SNTG1: variants seen among roughly 807,000 people sequenced by gnomAD.
The protein encoded by SNTG1 is syntrophin gamma 1.
A neutral mutation model predicts 74.7 loss-of-function variants in SNTG1; 39 were observed. That is an observed-to-expected ratio of 0.52 (90% CI 0.40 to 0.68). The LOEUF (loss-of-function observed/expected upper bound fraction) is 0.68, where lower values mean the gene tolerates loss of function less well. Ranked by LOEUF, SNTG1 falls within the 30% of genes least tolerant of loss-of-function variation. The pLI, the probability that SNTG1 is intolerant of heterozygous loss-of-function variation, is 0.00. For missense variants in SNTG1, 685 were observed against 609.5 expected, an observed-to-expected ratio of 1.12 and a Z score of -1.30; for synonymous variants, 254 against 217.1, an observed-to-expected ratio of 1.17 and a Z score of -1.49.
intron 1 of SNTG1, among the ~76,000 whole-genome samples, chr8:49,968,060 CT>C (rs1811312974): frequency 6.6e-6 from 1 of 151,536 alleles, no homozygotes; most frequent in South Asian, 2.1e-4. Flanking sequence ...TACTCTATAC[CT>C]GGTGAACAGT....
At chr8:50,020,439 A>C (rs1816720021) in intron 1 of SNTG1, among the ~76,000 whole-genome samples, 1 of 152,174 alleles carries the variant, frequency 6.6e-6, no homozygotes. Context: ...CAAGTTTATT[A>C]ATTACCTTTG....
intron 4 of SNTG1, among the ~76,000 whole-genome samples, chr8:50,412,518 G>A (rs181345989): frequency 5.3e-5 from 8 of 152,258 alleles, no homozygotes; most frequent in Non-Finnish European, 1.2e-4. Flanking sequence ...GCAAGTAAAA[G>A]AGAATATGGT....
intron 2 of SNTG1, among the ~76,000 whole-genome samples, chr8:50,218,683 A>C (rs1586734817): frequency 6.6e-6 from 1 of 152,300 alleles, no homozygotes; most frequent in East Asian, 1.9e-4. Flanking sequence ...ACTAATATAA[A>C]GTATTAGTAA....
At chr8:50,141,342 A>G (rs1413230386) in intron 1 of SNTG1, among the ~76,000 whole-genome samples, 6 of 152,132 alleles carry the variant, frequency 3.9e-5, no homozygotes, top group African/African-American at 1.4e-4. Flanking sequence ...GCCAACCCTT[A>G]GTCTGCATTT....
chr8:49,931,805 T>G (rs1807620934), intron 1 of SNTG1, among the ~76,000 whole-genome samples: 1 of 152,146 alleles, frequency 6.6e-6, no homozygotes, highest in South Asian at 2.1e-4. Context: ...GAACACATTA[T>G]GATTCCATTC....
At chr8:49,973,732 G>A (rs1197953929) in intron 1 of SNTG1, among the ~76,000 whole-genome samples, 1 of 152,120 alleles carries the variant, frequency 6.6e-6, no homozygotes, top group African/African-American at 2.4e-5. Flanking sequence ...ACTTAAAACT[G>A]TAGAATAAAA....
chr8:49,972,535 G>A (rs1462713350), intron 1 of SNTG1, among the ~76,000 whole-genome samples: 7 of 152,086 alleles, frequency 4.6e-5, no homozygotes, highest in Admixed American at 6.6e-5. Context: ...TTAAACTAAA[G>A]AGCTTCTGCA....
chr8:49,913,868 C>A (rs1301200774), intron 1 of SNTG1, among the ~76,000 whole-genome samples: 1 of 152,170 alleles, frequency 6.6e-6, no homozygotes, highest in Non-Finnish European at 1.5e-5. Flanking sequence ...GAATGTGTTT[C>A]AAGAAGCACT....
chr8:50,534,530 C>A (rs546937752), intron 10 of SNTG1, among the ~76,000 whole-genome samples: 2 of 152,194 alleles, frequency 1.3e-5, no homozygotes, highest in African/African-American at 4.8e-5. Flanking sequence ...CCTGCAATCC[C>A]AGCACTTTGG....
chr8:50,004,005 C>T (rs1036258325), intron 1 of SNTG1, among the ~76,000 whole-genome samples: 2 of 152,056 alleles, frequency 1.3e-5, no homozygotes, highest in African/African-American at 2.4e-5. Context: ...CTGTTTTGAT[C>T]GTCAGGACTT....
intron 1 of SNTG1, among the ~76,000 whole-genome samples, chr8:49,915,395 C>T (rs1200413705): frequency 6.6e-6 from 1 of 152,180 alleles, no homozygotes; most frequent in Non-Finnish European, 1.5e-5. Flanking sequence ...ATAACAGGCA[C>T]ATCCCTTATA....
chr8:49,948,673 C>T (rs145476805), intron 1 of SNTG1, among the ~76,000 whole-genome samples: 139 of 152,290 alleles, frequency 9.1e-4, no homozygotes, highest in African/African-American at 3.3e-3. Context: ...TATCCTCTGT[C>T]TCCTCTAGAG....
intron 5 of SNTG1, among the ~76,000 whole-genome samples, chr8:50,444,528 G>A (rs775751254): frequency 1.2e-3 from 185 of 152,082 alleles, no homozygotes; most frequent in Non-Finnish European, 1.7e-3. Flanking sequence ...AAGGCGGGTG[G>A]ATCACAAGGT....
rs563873492 is a variant in SNTG1 at position 49,988,390 on chromosome 8, C to T, written c.-103+76159C>T. Among the ~76,000 whole-genome samples the T allele has an allele frequency of 1.3e-5, 2 of 152,136 alleles. 1 individual carries two copies. The highest frequency in any genetic ancestry group is 4.1e-4 in the South Asian group (2 of 4,824). Reference sequence around the variant, plus strand: ...TATCAATATGTTAGAAGAATTAGTGCAAATGATACACAGAGTAAAGAAGTG... The same window carrying T: ...TATCAATATGTTAGAAGAATTAGTGTAAATGATACACAGAGTAAAGAAGTG... On this transcript the variant is annotated intron_variant, in intron 1 of 18. Coordinates refer to ENST00000642720, the MANE Select transcript of SNTG1 (RefSeq NM_018967.5).
intron 1 of SNTG1, among the ~76,000 whole-genome samples, chr8:50,044,286 A>G (rs1818888606): frequency 6.6e-6 from 1 of 152,228 alleles, no homozygotes; most frequent in Admixed American, 6.5e-5. Context: ...TTATCAGATA[A>G]GTAAGGGGAC....
intron 2 of SNTG1, among the ~76,000 whole-genome samples, chr8:50,376,316 G>A (rs981746363): frequency 6.6e-6 from 1 of 152,052 alleles, no homozygotes; most frequent in Non-Finnish European, 1.5e-5. Context: ...TTGCTATTCA[G>A]ATTTGAGGTT....
chr8:50,332,919 A>C (rs2091017212), intron 2 of SNTG1, among the ~76,000 whole-genome samples: 2 of 152,216 alleles, frequency 1.3e-5, no homozygotes, highest in South Asian at 2.1e-4. Flanking sequence ...GAACCAATGT[A>C]ATCATTGGAG....
chr8:50,110,373 C>T (rs146194922), intron 1 of SNTG1, among the ~76,000 whole-genome samples: 1 of 152,138 alleles, frequency 6.6e-6, no homozygotes, highest in Non-Finnish European at 1.5e-5. Context: ...TCAGCCTACT[C>T]TAACACAGGT....
At chr8:50,343,282 A>G (rs1430466076) in intron 2 of SNTG1, among the ~76,000 whole-genome samples, 7 of 152,242 alleles carry the variant, frequency 4.6e-5, no homozygotes. Flanking sequence ...GGCATTAATT[A>G]CAAAGTAGTT....
Sources: gnomAD v4.1 joint callset for allele counts (sites outside exome capture counted in the v4.1 genomes callset) on GRCh38, gnomAD v4.1.1 for gene constraint, MANE v1.5 for transcripts, NCBI Gene and HGNC (gene_info 2026-07-23, HGNC 2026-07-21) for gene names.